UNC45A: variants seen among roughly 807,000 people sequenced by gnomAD.
UNC45A encodes unc-45 myosin chaperone A.
Under a neutral mutation model 103.2 loss-of-function variants are expected in UNC45A, and 78 were observed. The observed-to-expected ratio is 0.76, with a 90% CI of 0.63 to 0.91. The LOEUF (loss-of-function observed/expected upper bound fraction) is 0.91, where lower values mean the gene tolerates loss of function less well. Ranked by LOEUF, UNC45A falls within the 40% of genes least tolerant of loss-of-function variation. UNC45A has a pLI of 0.00. For missense variants in UNC45A, 1,193 were observed against 1,224.8 expected (o/e 0.97, Z 0.39); for synonymous variants, 495 against 504.6 (o/e 0.98, Z 0.25).
intron 6 of UNC45A, 106 bp downstream of exon 6, chr15:90,940,579 A>G (rs2036243652): frequency 7.0e-7 from 1 of 1,420,974 alleles, no homozygotes; most frequent in Non-Finnish European, 9.5e-7. Context: ...CCGTCCATCC[A>G]TCCATCCACT....
intron 4 of UNC45A, among the ~76,000 whole-genome samples, chr15:90,938,970 C>A (rs1053516015): frequency 2.0e-5 from 3 of 151,880 alleles, no homozygotes; most frequent in African/African-American, 7.3e-5. Flanking sequence ...CCGTGCCTGG[C>A]TTCAGATTTT....
chr15:90,934,586 C>G (rs1270468036), upstream of UNC45A: 2 of 398,866 alleles, frequency 5.0e-6, no homozygotes, highest in Non-Finnish European at 8.8e-6. Context: ...GGAACATCGA[C>G]AGGGTGTTCC....
intron 13 of UNC45A, 33 bp from the exon 14 acceptor site, chr15:90,949,283 T>C: frequency 6.2e-7 from 1 of 1,604,528 alleles, no homozygotes; most frequent in South Asian, 1.1e-5. Context: ...TGAGTCAGCC[T>C]AGGCCCCTCT....
intron 8 of UNC45A, among the ~76,000 whole-genome samples, chr15:90,943,908 C>T (rs902038936): frequency 2.7e-5 from 4 of 150,020 alleles, no homozygotes; most frequent in Non-Finnish European, 4.4e-5. Context: ...AGGCTGGTCT[C>T]GAACTCCTGA....
At position 90,935,566 on chromosome 15, in the gene UNC45A, G is replaced by C. The variant is rs2035966601; in HGVS notation, c.74G>C (p.Arg25Pro). The part of the protein sequence containing the change: ...TPGASSVEQL[R>P]KEGNELFKCG... ...CAGGCCAGCTCAGTGGAGCAGCTGCGGAAGGAGGGCAATGAGCTGTTCAAA... is the reference window on the plus strand; with the variant it reads ...CAGGCCAGCTCAGTGGAGCAGCTGCCGAAGGAGGGCAATGAGCTGTTCAAA... The change falls in exon 2 of 20, where the codon CGG becomes CCG. Residue 25 changes from arginine to proline, a missense_variant. Transcript: ENST00000418476. The C allele has an allele frequency of 5.6e-6, 9 of 1,609,996 alleles. No homozygotes were observed. Among genetic ancestry groups the C allele is most frequent in the Non-Finnish European group, 6.8e-6 (8 of 1,178,096 alleles).
intron 4 of UNC45A, among the ~76,000 whole-genome samples, chr15:90,937,629 G>C (rs1046046721): frequency 1.4e-4 from 22 of 151,768 alleles, no homozygotes; most frequent in African/African-American, 5.1e-4. Context: ...TGGGACTACA[G>C]GGGCCTGCCA....
At position 90,943,000 on chromosome 15, in the gene UNC45A, C is replaced by G. The variant is rs372539274; in HGVS notation, c.945C>G (p.Ala315=). 1.2e-6 allele frequency: 2 copies of G among 1,614,200 alleles called. No homozygotes were observed. Among genetic ancestry groups the G allele is most frequent in the Non-Finnish European group, 8.5e-7 (1 of 1,180,024 alleles). The change falls in exon 8 of 20, where the codon GCC becomes GCG. Residue 315 remains alanine (A), a synonymous_variant. Coordinates refer to ENST00000418476, the MANE Select transcript of UNC45A (RefSeq NM_018671.5). ...VGVSGQGRDN[A]LTLLIKAVPR... is the part of the protein sequence containing the mutation. The stretch of plus-strand genomic sequence containing the variant: ...TCTCTGGCCAAGGCCGAGACAATGC[C>G]CTGACCCTCCTGATTAAAGCGGTGC...
intron 4 of UNC45A, among the ~76,000 whole-genome samples, chr15:90,938,670 T>C (rs2036137142): frequency 1.3e-5 from 2 of 151,960 alleles, no homozygotes; most frequent in South Asian, 4.2e-4. Flanking sequence ...TCAGATTATT[T>C]ATTTATTTAT....
chr15:90,953,854 C>G lies in UNC45A; in HGVS notation c.*138C>G, dbSNP rs1435387884. 19 of 1,295,816 alleles carry G rather than the reference C, an allele frequency of 1.5e-5. No homozygotes were observed. The highest frequency in any genetic ancestry group is 8.8e-5 in the Admixed American group (4 of 45,332). 80.3% of individuals were successfully genotyped at this position (1,295,816 alleles called of 1,614,324 possible). On this transcript the variant is annotated 3_prime_UTR_variant, in exon 20 of 20. Transcript: ENST00000418476. The stretch of plus-strand genomic sequence containing the variant: ...ATCCTCGCTTGCTGCCCTAGGATGT[C>G]CTCTGTTCTGAGTCAGCGGCCACGT...
chr15:90,946,939 T>TGGGCTGGGGGGGGGG, intron 10 of UNC45A, 25 bp downstream of exon 10: 2 of 839,546 alleles, frequency 2.4e-6, no homozygotes, highest in Non-Finnish European at 3.8e-6. Context: ...CTGGGGTGGG[T>TGGGCTGGGGGGGGGG]GGGCAGGCAG....
chr15:90,937,982 C>A (rs914555210), intron 4 of UNC45A, among the ~76,000 whole-genome samples: 8 of 152,086 alleles, frequency 5.3e-5, no homozygotes, highest in African/African-American at 1.7e-4. Context: ...TTTGTAGAGA[C>A]AGGGTTTTAC....
intron 4 of UNC45A, 144 bp downstream of exon 4, chr15:90,936,604 C>T: frequency 1.1e-6 from 1 of 950,164 alleles, no homozygotes; most frequent in Non-Finnish European, 1.5e-6. Context: ...AAGATGACAG[C>T]ACATTACTGT....
chr15:90,937,491 T>G (rs996118665), intron 4 of UNC45A, among the ~76,000 whole-genome samples: 1 of 144,492 alleles, frequency 6.9e-6, no homozygotes, highest in Non-Finnish European at 1.5e-5. Flanking sequence ...AAAATAATTG[T>G]TTTTTTTTTT....
upstream of UNC45A, chr15:90,934,040 C>T (rs1018208362): frequency 1.4e-4 from 54 of 398,896 alleles, no homozygotes; most frequent in Admixed American, 4.4e-5. Flanking sequence ...AGTGAACTCT[C>T]ATGGGCATCC....
intron 4 of UNC45A, among the ~76,000 whole-genome samples, chr15:90,938,687 G>A (rs990716522): frequency 7.2e-5 from 11 of 151,954 alleles, no homozygotes; most frequent in Admixed American, 5.9e-4. Flanking sequence ...TTATTTATTT[G>A]TTTGTTTTGA....
Position 90,935,344 on chromosome 15 carries a change from G to T in UNC45A, c.20G>T (p.Gly7Val). The T allele has an allele frequency of 1.2e-6, 2 of 1,604,378 alleles. No homozygotes were observed. Among genetic ancestry groups the T allele is most frequent in the South Asian group, 1.1e-5 (1 of 90,334 alleles). The change falls in exon 1 of 20, where the codon GGG (glycine) becomes GTG (valine). Residue 7 changes from glycine to valine, a missense_variant. Gly to Val is a moderately radical substitution (Grantham distance 109, BLOSUM62 -3). Coordinates refer to ENST00000418476, the MANE Select transcript of UNC45A (RefSeq NM_018671.5). The stretch of plus-strand genomic sequence containing the variant: ...TCCGCGATGACTGTGAGTGGTCCAG[G>T]GACCCCCGAGCCCCGGCCGGCCACC... MTVSGPGTPEPRPATPG... is the reference protein window; with the variant it reads MTVSGPVTPEPRPATPG...
chr15:90,931,857 C>T (rs1294968728), upstream of UNC45A: 1 of 1,614,038 alleles, frequency 6.2e-7, no homozygotes, highest in Non-Finnish European at 8.5e-7. Flanking sequence ...ACCTCCTCCA[C>T]CAGGCGCCGC....
chr15:90,949,422 C>T lies in UNC45A; in HGVS notation c.1985C>T (p.Ser662Phe), dbSNP rs780118318. The change falls in exon 14 of 20, where the codon TCC becomes TTC. Residue 662 changes from serine (S) to phenylalanine (F), a missense_variant. Physicochemically the swap from Ser to Phe is radical, Grantham distance 155. Transcript: ENST00000418476. ...VKTESPVLTS[S>F]CRELLSRVFL... is the part of the protein sequence containing the mutation. Reference sequence around the variant, plus strand: ...ACGGAGAGCCCTGTGCTGACCAGTTCCTGCAGAGAGCTGCTCTCCAGGTGA... The same window carrying T: ...ACGGAGAGCCCTGTGCTGACCAGTTTCTGCAGAGAGCTGCTCTCCAGGTGA... 9.3e-6 allele frequency: 15 copies of T among 1,613,766 alleles called. 1 individual carries two copies. The South Asian group carries it at 1.5e-4, about 17-fold the overall frequency.
At chr15:90,930,360 A>C (rs933376444), upstream of UNC45A, 1 of 151,992 alleles carries the variant, frequency 6.6e-6, no homozygotes, top group Admixed American at 6.6e-5. Context: ...CCCTTCCGAT[A>C]CGTCTTTTCT....
Sources: gnomAD v4.1 joint callset for allele counts (sites outside exome capture counted in the v4.1 genomes callset) on GRCh38, gnomAD v4.1.1 for gene constraint, MANE v1.5 for transcripts, NCBI Gene and HGNC (gene_info 2026-07-23, HGNC 2026-07-21) for gene names.